Variants in ALDH1A2 observed in about 807,000 individuals in gnomAD.
The protein encoded by ALDH1A2 is aldehyde dehydrogenase 1 family member A2.
In ALDH1A2, 27 loss-of-function variants were observed where a neutral mutation model predicts 60.3. That is an observed-to-expected ratio of 0.45 (90% CI 0.33 to 0.62). The LOEUF is 0.62. ALDH1A2 is among the 20% of genes least tolerant of loss of function. The pLI, the probability that ALDH1A2 is intolerant of heterozygous loss-of-function variation, is 0.02. For missense variants in ALDH1A2, 581 were observed against 643.8 expected (o/e 0.90, Z 1.06); for synonymous variants, 289 against 232.4 (o/e 1.24, Z -2.21).
Position 57,995,213 on chromosome 15 carries a change from G to A in ALDH1A2, c.494-74C>T, listed in dbSNP as rs1204805824. 8.5e-6 allele frequency: 5 copies of A among 591,490 alleles called. No homozygotes were observed. In the Admixed American group the frequency reaches 1.2e-4, roughly 14 times the overall value. The allele number at this position is 591,490 out of a possible 1,614,324, so 36.6% of individuals were successfully genotyped here. A position where few individuals can be genotyped will look rare whatever the true frequency, so the allele number is the denominator to read the frequency against. On this transcript the variant is annotated intron_variant, in intron 4 of 12. Coordinates refer to ENST00000249750, the MANE Select transcript of ALDH1A2 (RefSeq NM_003888.4). ...AAAATGCAAAGGGAGAACTTTGGTG[G>A]CTGCAAAAAAAAAAAAAAAAAAACA...
intron 8 of ALDH1A2, 111 bp from the exon 9 acceptor site, chr15:57,964,180 A>G: frequency 1.7e-6 from 2 of 1,144,732 alleles, no homozygotes. Context: ...TCACTGCATG[A>G]CATAACCATG....
At chr15:57,980,407 C>T in intron 7 of ALDH1A2, 1 of 368,914 alleles carries the variant, frequency 2.7e-6, no homozygotes, top group Non-Finnish European at 5.4e-6. Context: ...GGTGCCACTT[C>T]TGCATGGAGT....
chr15:57,966,465 A>G (rs1166734942), intron 7 of ALDH1A2, among the ~76,000 whole-genome samples: 1 of 152,212 alleles, frequency 6.6e-6, no homozygotes, highest in Admixed American at 6.5e-5. Flanking sequence ...TGGCAATGAA[A>G]ATGAAAGTGT....
chr15:57,983,915 A>C (rs1207828084), intron 7 of ALDH1A2, among the ~76,000 whole-genome samples: 6 of 152,238 alleles, frequency 3.9e-5, no homozygotes, highest in African/African-American at 1.4e-4. Flanking sequence ...GAAACCCTGT[A>C]TTGTAACAAA....
intron 4 of ALDH1A2, among the ~76,000 whole-genome samples, chr15:58,010,170 A>G (rs1173661036): frequency 6.6e-6 from 1 of 152,204 alleles, no homozygotes; most frequent in Non-Finnish European, 1.5e-5. Flanking sequence ...TAGAAAGTAG[A>G]GAAAAATATT....
intron 1 of ALDH1A2, among the ~76,000 whole-genome samples, chr15:58,019,105 AT>A (rs1555403758): frequency 6.6e-6 from 1 of 152,136 alleles, no homozygotes; most frequent in Non-Finnish European, 1.5e-5. Context: ...TTTTTGCACT[AT>A]TTTTGAACTT....
intron 1 of ALDH1A2, among the ~76,000 whole-genome samples, chr15:58,028,345 A>T (rs1325878270): frequency 6.6e-6 from 1 of 152,228 alleles, no homozygotes; most frequent in African/African-American, 2.4e-5. Context: ...CAAACAAGCA[A>T]ATGCTGAGAG....
intron 1 of ALDH1A2, among the ~76,000 whole-genome samples, chr15:58,017,266 T>C (rs1172181669): frequency 2.6e-4 from 39 of 152,192 alleles, no homozygotes; most frequent in Admixed American, 2.5e-3. Flanking sequence ...ATGACAATTA[T>C]TTTATCTTTT....
At chr15:58,052,320 T>C (rs1448116447) in intron 1 of ALDH1A2, among the ~76,000 whole-genome samples, 1 of 152,114 alleles carries the variant, frequency 6.6e-6, no homozygotes, top group East Asian at 1.9e-4. Flanking sequence ...CCCAGGAAAG[T>C]AGAGTTCTAA....
At chr15:58,029,670 AAG>A (rs1270692399) in intron 1 of ALDH1A2, among the ~76,000 whole-genome samples, 1 of 152,110 alleles carries the variant, frequency 6.6e-6, no homozygotes, top group Non-Finnish European at 1.5e-5. Context: ...ACTAATAAAA[AAG>A]AGAGAAAAAT....
intron 1 of ALDH1A2, chr15:58,036,765 G>C (rs1164963330): frequency 4.6e-5 from 7 of 151,750 alleles, no homozygotes; most frequent in Non-Finnish European, 7.4e-5. Flanking sequence ...GTAAGACACT[G>C]TGATTTAGTG....
chr15:57,974,302 G>A (rs539821552), intron 7 of ALDH1A2, among the ~76,000 whole-genome samples: 1 of 151,850 alleles, frequency 6.6e-6, no homozygotes, highest in African/African-American at 2.4e-5. Context: ...GCAAGGTGGC[G>A]GGCGCCTGTA....
intron 4 of ALDH1A2, among the ~76,000 whole-genome samples, chr15:58,007,417 T>C (rs1895496096): frequency 6.6e-6 from 1 of 152,012 alleles, no homozygotes; most frequent in Non-Finnish European, 1.5e-5. Flanking sequence ...CTTCCTGCCT[T>C]GCTGAACCAA....
At chr15:58,058,012 C>T in intron 1 of ALDH1A2, 1 of 1,475,422 alleles carries the variant, frequency 6.8e-7, no homozygotes, top group Non-Finnish European at 9.1e-7. Flanking sequence ...CAGAATTCAC[C>T]AGTTTCAGTT....
At chr15:58,022,743 C>T (rs928133488) in intron 1 of ALDH1A2, among the ~76,000 whole-genome samples, 2 of 152,170 alleles carry the variant, frequency 1.3e-5, no homozygotes, top group Non-Finnish European at 1.5e-5. Context: ...TCACAGATAT[C>T]ACTGATGTTG....
At chr15:58,037,928 G>T (rs921123455) in intron 1 of ALDH1A2, among the ~76,000 whole-genome samples, 1 of 151,534 alleles carries the variant, frequency 6.6e-6, no homozygotes, top group African/African-American at 2.4e-5. Context: ...AACACACATC[G>T]TAATCTATCT....
At chr15:58,040,618 T>C (rs1896496562) in intron 1 of ALDH1A2, among the ~76,000 whole-genome samples, 1 of 151,954 alleles carries the variant, frequency 6.6e-6, no homozygotes, top group South Asian at 2.1e-4. Context: ...CTTGAACCTT[T>C]CCTCTCAACA....
intron 4 of ALDH1A2, among the ~76,000 whole-genome samples, chr15:58,004,845 A>G (rs1455968468): frequency 2.7e-5 from 4 of 150,618 alleles, no homozygotes; most frequent in African/African-American, 9.8e-5. Flanking sequence ...AAAGATCTCT[A>G]CAAGCAGAAG....
At chr15:58,062,681 C>G (rs1034003335) in intron 1 of ALDH1A2, among the ~76,000 whole-genome samples, 1 of 121,320 alleles carries the variant, frequency 8.2e-6, no homozygotes, top group Admixed American at 7.8e-5. Flanking sequence ...TCCTCCTTGA[C>G]TAACACCATC....
Sources: gnomAD v4.1 joint callset for allele counts (sites outside exome capture counted in the v4.1 genomes callset) on GRCh38, gnomAD v4.1.1 for gene constraint, MANE v1.5 for transcripts, NCBI Gene and HGNC (gene_info 2026-07-23, HGNC 2026-07-21) for gene names.